ADGRV1: variants seen among roughly 807,000 people sequenced by gnomAD.
ADGRV1 encodes the protein adhesion G protein-coupled receptor V1.
ADGRV1 carries 359 observed loss-of-function variants against 596.2 expected under a neutral mutation model. The ratio of observed to expected loss-of-function variants is 0.60; its 90% confidence interval spans 0.55 to 0.66. The LOEUF is 0.66. Ranked by LOEUF, ADGRV1 falls within the 30% of genes least tolerant of loss-of-function variation. The pLI is 0.00. For missense variants in ADGRV1, 7,274 were observed against 7,575.6 expected (o/e 0.96, Z 1.48); for synonymous variants, 2,681 against 2,679.2 (o/e 1.00, Z -0.02).
At chr5:90,749,820 G>A (rs1264573977) in intron 52 of ADGRV1, among the ~76,000 whole-genome samples, 3 of 152,140 alleles carry the variant, frequency 2.0e-5, no homozygotes, top group Admixed American at 6.6e-5. Context: ...CAGATAATTA[G>A]TTTGGGACAA....
At chr5:90,632,037 A>G (rs970343740) in intron 9 of ADGRV1, among the ~76,000 whole-genome samples, 1 of 150,568 alleles carries the variant, frequency 6.6e-6, no homozygotes, top group African/African-American at 2.4e-5. Context: ...TCAGAATTTA[A>G]TGGAATTTTT....
intron 11 of ADGRV1, among the ~76,000 whole-genome samples, chr5:90,640,208 G>A (rs1766786156): frequency 6.6e-6 from 1 of 152,130 alleles, no homozygotes; most frequent in Admixed American, 6.5e-5. Flanking sequence ...TTTCAAGGCT[G>A]TTTGAAAATG....
At chr5:90,591,822 ATAACT>A (rs1487224225) in intron 1 of ADGRV1, among the ~76,000 whole-genome samples, 4 of 152,260 alleles carry the variant, frequency 2.6e-5, no homozygotes, top group African/African-American at 7.2e-5. Flanking sequence ...AATGGTTAAC[ATAACT>A]TAGGCATTGC....
intron 5 of ADGRV1, among the ~76,000 whole-genome samples, chr5:90,623,081 A>T (rs1286954846): frequency 6.6e-6 from 1 of 152,236 alleles, no homozygotes; most frequent in Non-Finnish European, 1.5e-5. Context: ...TTCATACCAG[A>T]TGGCTGCAAT....
chr5:90,816,763 A>T (rs925473123), intron 75 of ADGRV1, among the ~76,000 whole-genome samples: 4 of 151,816 alleles, frequency 2.6e-5, no homozygotes, highest in African/African-American at 9.7e-5. Flanking sequence ...ATGGCTGCAT[A>T]GTATTCCATG....
chr5:90,767,986 G>A (rs926278713), intron 59 of ADGRV1, among the ~76,000 whole-genome samples: 12 of 152,180 alleles, frequency 7.9e-5, no homozygotes, highest in African/African-American at 2.9e-4. Flanking sequence ...CCTCTCACCT[G>A]AGGAGCATTT....
intron 87 of ADGRV1, among the ~76,000 whole-genome samples, chr5:91,125,953 T>A (rs1562251204): frequency 6.6e-6 from 1 of 152,226 alleles, no homozygotes; most frequent in Non-Finnish European, 1.5e-5. Flanking sequence ...ACCTTACCTT[T>A]CTTTGGAATC....
intron 83 of ADGRV1, among the ~76,000 whole-genome samples, chr5:90,889,591 A>G (rs1202083286): frequency 6.6e-6 from 1 of 151,888 alleles, no homozygotes; most frequent in African/African-American, 2.4e-5. Context: ...AAAACTATGC[A>G]ATTTTATTTT....
chr5:91,028,732 G>GTTTTTTTTTTTTTTTTTTTTTTTTTTT (rs397998676), intron 85 of ADGRV1, among the ~76,000 whole-genome samples: 1 of 95,912 alleles, frequency 1.0e-5, no homozygotes, highest in African/African-American at 4.1e-5. Context: ...ACTAGACTCT[G>GTTTTTTTTTTTTTTTTTTTTTTTTTTT]TTTTTTTTTT....
rs1215242672 is a variant in ADGRV1 at position 90,778,059 on chromosome 5, G to A, written c.12666+16G>A. 2 of 1,551,194 alleles carry A rather than the reference G, an allele frequency of 1.3e-6. No homozygotes were observed. Among genetic ancestry groups the A allele is most frequent in the East Asian group, 2.4e-5 (1 of 41,194 alleles). ...AGTAATACAGGTATCAATATTAGCT[G>A]GTTTCTTTTATGCCCTTTACTCTCT... is the stretch of plus-strand genomic sequence containing the variant. On this transcript the variant is annotated intron_variant, in intron 62 of 89. Transcript: ENST00000405460.
intron 85 of ADGRV1, among the ~76,000 whole-genome samples, chr5:91,014,520 T>C (rs547268396): frequency 2.6e-3 from 396 of 151,968 alleles, no homozygotes; most frequent in Admixed American, 4.9e-3. Flanking sequence ...GTTTTTTTGT[T>C]TTTTGTTTTT....
chr5:90,650,959 A>T (rs1580597864), intron 17 of ADGRV1, among the ~76,000 whole-genome samples: 1 of 152,160 alleles, frequency 6.6e-6, no homozygotes, highest in Admixed American at 6.5e-5. Context: ...ATGAAGAGAT[A>T]GGCACTTCAG....
At chr5:90,904,501 C>T (rs1368952025) in intron 83 of ADGRV1, among the ~76,000 whole-genome samples, 3 of 152,070 alleles carry the variant, frequency 2.0e-5, no homozygotes, top group African/African-American at 7.2e-5. Flanking sequence ...ATTTGCATTT[C>T]TCTGGTGATC....
chr5:91,119,067 A>G (rs534483228), intron 87 of ADGRV1, among the ~76,000 whole-genome samples: 1 of 152,310 alleles, frequency 6.6e-6, no homozygotes, highest in Admixed American at 6.5e-5. Context: ...TTGTTCTCTG[A>G]GAGAGCAAGC....
At chr5:90,616,116 C>T (rs1333568088) in intron 2 of ADGRV1, among the ~76,000 whole-genome samples, 1 of 151,894 alleles carries the variant, frequency 6.6e-6, no homozygotes, top group African/African-American at 2.4e-5. Context: ...TTTCCAACAC[C>T]CTTCACAACT....
chr5:90,840,074 T>C (rs753870240), intron 77 of ADGRV1, among the ~76,000 whole-genome samples: 2 of 152,218 alleles, frequency 1.3e-5, no homozygotes, highest in Non-Finnish European at 2.9e-5. Context: ...CAGAGGTATA[T>C]ATGTCCAGGA....
rs116158760 is a variant in ADGRV1, at chr5:90,993,919, A to T, written c.18152+8397A>T. 1.3e-3 allele frequency among the ~76,000 whole-genome samples: 173 copies of T among 137,824 alleles called. 1 individual carries two copies. The highest frequency in any genetic ancestry group is 4.3e-3 in the African/African-American group (161 of 37,184). The allele number at this position is 137,824 out of a possible 152,430, so 90.4% of individuals were successfully genotyped here. On this transcript the variant is annotated intron_variant, in intron 85 of 89. Coordinates refer to ENST00000405460, the MANE Select transcript of ADGRV1 (RefSeq NM_032119.4). ...AGGCTATGTTAATTTTTTTGGTTCT[A>T]TTTTTTTTTCTGTTCCTCAGACATG...
chr5:91,118,376 A>AC (rs1793031463), intron 87 of ADGRV1, among the ~76,000 whole-genome samples: 1 of 152,112 alleles, frequency 6.6e-6, no homozygotes, highest in Non-Finnish European at 1.5e-5. Flanking sequence ...ATTGGCAAAA[A>AC]AAAAAACTTC....
At chr5:90,572,103 T>A (rs941516384) in intron 1 of ADGRV1, among the ~76,000 whole-genome samples, 1 of 152,156 alleles carries the variant, frequency 6.6e-6, no homozygotes, top group Non-Finnish European at 1.5e-5. Context: ...GGAATCACTG[T>A]CAGTTTTTGA....
Sources: allele counts gnomAD v4.1 joint callset (sites outside exome capture counted in the v4.1 genomes callset), GRCh38; gene constraint gnomAD v4.1.1; transcripts MANE v1.5; gene names NCBI Gene and HGNC (gene_info 2026-07-23, HGNC 2026-07-21).